Variants in CIDEA observed in about 807,000 individuals in gnomAD.
The protein encoded by CIDEA is lipid transferase CIDEA.
CIDEA carries 10 observed loss-of-function variants against 18.2 expected under a neutral mutation model. That is an observed-to-expected ratio of 0.55 (90% CI 0.34 to 0.93). The LOEUF is 0.93. Among genes scored for constraint, CIDEA ranks in the 40% least tolerant of loss-of-function variants. CIDEA has a pLI of 0.02. For missense variants in CIDEA, 309 were observed against 293.1 expected, an observed-to-expected ratio of 1.05 and a Z score of -0.40; for synonymous variants, 128 against 124.8, an observed-to-expected ratio of 1.03 and a Z score of -0.17.
rs1462006728 is a variant in CIDEA at position 12,274,078 on chromosome 18, C to T, written c.331-15C>T. ...GGAAGGCTCCTGAAGCCTGCCCCTCCCCCCATTGTCACAGGGCAGCCAGCA... is the reference window on the plus strand; with the variant it reads ...GGAAGGCTCCTGAAGCCTGCCCCTCTCCCCATTGTCACAGGGCAGCCAGCA... On this transcript the variant is annotated splice_polypyrimidine_tract_variant and intron_variant, in intron 3 of 4. Coordinates refer to ENST00000320477, the MANE Select transcript of CIDEA (RefSeq NM_001279.4). 1.9e-6 allele frequency: 3 copies of T among 1,613,812 alleles called. No individual in the cohort carries two copies. Among genetic ancestry groups the T allele is most frequent in the Middle Eastern group, 3.3e-4 (2 of 6,034 alleles).
At position 12,262,811 on chromosome 18, in the gene CIDEA, A is replaced by G. The variant is rs141236681; in HGVS notation, c.39-14A>G. On this transcript the variant is annotated splice_polypyrimidine_tract_variant and intron_variant, in intron 1 of 4. Transcript: ENST00000320477. ...CTCTTTTTAAAAAGTTTTACTTTTC[A>G]CCTCCATTTTCAGGCCCCTGACATT... is the stretch of plus-strand genomic sequence containing the variant. 6.8e-6 allele frequency: 11 copies of G among 1,606,020 alleles called. No homozygotes were observed. Among genetic ancestry groups the G allele is most frequent in the Non-Finnish European group, 9.4e-6 (11 of 1,173,480 alleles).
intron 1 of CIDEA, among the ~76,000 whole-genome samples, chr18:12,258,171 T>C (rs2144058515): frequency 6.6e-6 from 1 of 152,226 alleles, no homozygotes; most frequent in East Asian, 1.9e-4. Context: ...GTGAGAACAA[T>C]AGGTGTTTTT....
intron 3 of CIDEA, among the ~76,000 whole-genome samples, chr18:12,271,503 T>C (rs1244128565): frequency 6.6e-6 from 1 of 151,710 alleles, no homozygotes; most frequent in African/African-American, 2.4e-5. Context: ...ACAGCATTGG[T>C]GTGTGGGTTT....
chr18:12,264,648 G>T (rs1266542461), intron 3 of CIDEA, among the ~76,000 whole-genome samples, 195 bp downstream of exon 3: 1 of 151,992 alleles, frequency 6.6e-6, no homozygotes, highest in African/African-American at 2.4e-5. Context: ...CCGCCTCCCG[G>T]GTTCACGCCA....
chr18:12,262,129 T>G (rs1191478229), intron 1 of CIDEA, among the ~76,000 whole-genome samples: 1 of 151,918 alleles, frequency 6.6e-6, no homozygotes, highest in Non-Finnish European at 1.5e-5. Context: ...ATCACACTAC[T>G]GCAATCCAGC....
At chr18:12,270,847 G>A (rs867061665) in intron 3 of CIDEA, among the ~76,000 whole-genome samples, 9 of 149,876 alleles carry the variant, frequency 6.0e-5, no homozygotes, top group African/African-American at 2.2e-4. Context: ...TGCCCCCACA[G>A]ACCACAGACA....
intron 1 of CIDEA, among the ~76,000 whole-genome samples, chr18:12,260,475 T>C (rs925108604): frequency 2.6e-5 from 4 of 152,174 alleles, no homozygotes; most frequent in Non-Finnish European, 4.4e-5. Context: ...CATGAGCCAT[T>C]GCACCCAGCC....
chr18:12,267,789 C>A (rs1327921981), intron 3 of CIDEA, among the ~76,000 whole-genome samples: 1 of 152,168 alleles, frequency 6.6e-6, no homozygotes, highest in Admixed American at 6.5e-5. Flanking sequence ...GCCACCACAC[C>A]CGGCTTGTAT....
At position 12,262,899 on chromosome 18, in the gene CIDEA, G is replaced by A. The variant is rs141394923; in HGVS notation, c.113G>A (p.Arg38Gln). The A allele has an allele frequency of 5.0e-5, 81 of 1,613,986 alleles. 1 individual carries two copies. Among genetic ancestry groups the A allele is most frequent in the African/African-American group, 2.3e-4 (17 of 74,890 alleles). The change falls in exon 2 of 5, where the codon CGG becomes CAG. Residue 38 changes from arginine (R) to glutamine (Q), a missense_variant. By Grantham distance (43) the Arg-to-Gln change is conservative. Transcript: ENST00000320477. ...TPLMHPARPF[R>Q]VSNHDRSSRR... ...CTCATGCATCCAGCTCGCCCTTTCC[G>A]GGTCTCCAACCATGACAGGAGCAGC...
intron 3 of CIDEA, among the ~76,000 whole-genome samples, chr18:12,271,448 AC>A (rs1383305873): frequency 4.0e-5 from 6 of 151,696 alleles, no homozygotes; most frequent in Non-Finnish European, 5.9e-5. Flanking sequence ...CGCAGCCCCC[AC>A]GGCGGCCCTG....
At chr18:12,255,219 G>A (rs1297371473) in intron 1 of CIDEA, among the ~76,000 whole-genome samples, 3 of 152,226 alleles carry the variant, frequency 2.0e-5, no homozygotes, top group African/African-American at 7.2e-5. Context: ...GAGGGAGATC[G>A]TGTTTCTCTG....
chr18:12,271,126 T>C (rs1379303272), intron 3 of CIDEA, among the ~76,000 whole-genome samples: 1 of 152,108 alleles, frequency 6.6e-6, no homozygotes, highest in Non-Finnish European at 1.5e-5. Flanking sequence ...CTCAAACTCC[T>C]GACCTCAGGC....
At chr18:12,258,720 G>A (rs1598773967) in intron 1 of CIDEA, among the ~76,000 whole-genome samples, 1 of 152,216 alleles carries the variant, frequency 6.6e-6, no homozygotes, top group Non-Finnish European at 1.5e-5. Flanking sequence ...CTGACGATTC[G>A]CCTCCTGCTT....
In CIDEA at chr18:12,274,148, TCAC is replaced by T; in HGVS notation, c.388_390del (p.Thr130del). 3.1e-6 allele frequency: 5 copies of T among 1,614,034 alleles called. No homozygotes were observed. Among genetic ancestry groups the T allele is most frequent in the Non-Finnish European group, 4.2e-6 (5 of 1,180,002 alleles). On this transcript the variant is annotated inframe_deletion, in exon 4 of 5. Coordinates refer to ENST00000320477, the MANE Select transcript of CIDEA (RefSeq NM_001279.4). Reference sequence around the variant, plus strand: ...CCGAAGAGGTCGGGAATAGCGAGAGTCACCTTCGACTTGTACAGGCTGAACCCC... The same window carrying T: ...CCGAAGAGGTCGGGAATAGCGAGAGTCTTCGACTTGTACAGGCTGAACCCC...
chr18:12,264,187 A>G (rs976197149), intron 2 of CIDEA, 120 bp from the exon 3 acceptor site: 7 of 917,282 alleles, frequency 7.6e-6, no homozygotes, highest in Non-Finnish European at 1.1e-5. Context: ...TACCTTTACC[A>G]TTAAAATTTT....
rs115504135 is a variant in CIDEA at position 12,273,278 on chromosome 18, G to A, written c.331-815G>A. Among the ~76,000 whole-genome samples, 639 of 152,242 alleles carry A rather than the reference G, an allele frequency of 4.2e-3. 6 individuals carry two copies. The highest frequency in any genetic ancestry group is 0.015 in the African/African-American group (626 of 41,536). On this transcript the variant is annotated intron_variant, in intron 3 of 4. Transcript: ENST00000320477. ...CACAGCTTCAGCGGCTCCCAACCTC[G>A]AAGGCTCACAAGACCTAGTAACCCT...
At chr18:12,274,048 G>A (rs1344322410) in intron 3 of CIDEA, 45 bp from the exon 4 acceptor site, 1 of 1,604,414 alleles carries the variant, frequency 6.2e-7, no homozygotes, top group Non-Finnish European at 8.5e-7. Context: ...GACGTGGGAG[G>A]GTTAGGAAGG....
intron 3 of CIDEA, among the ~76,000 whole-genome samples, chr18:12,268,496 C>T (rs1365135169): frequency 6.7e-6 from 1 of 149,404 alleles, no homozygotes; most frequent in Non-Finnish European, 1.5e-5. Flanking sequence ...TCCTGGGCTC[C>T]CCCACCTCAG....
At chr18:12,271,588 A>T (rs1486544979) in intron 3 of CIDEA, among the ~76,000 whole-genome samples, 1 of 152,154 alleles carries the variant, frequency 6.6e-6, no homozygotes, top group Non-Finnish European at 1.5e-5. Context: ...TTTCTAAAGG[A>T]GACACTCAGC....
Sources: gnomAD v4.1 joint callset for allele counts (sites outside exome capture counted in the v4.1 genomes callset) on GRCh38, gnomAD v4.1.1 for gene constraint, MANE v1.5 for transcripts, NCBI Gene and HGNC (gene_info 2026-07-23, HGNC 2026-07-21) for gene names.